The following KIRREL3 variants were observed in gnomAD, a reference collection of about 807,000 sequenced individuals.
The protein encoded by KIRREL3 is kirre like nephrin family adhesion molecule 3, also known as kin of IRRE-like protein 3.
A neutral mutation model predicts 89.7 loss-of-function variants in KIRREL3; 36 were observed. That is an observed-to-expected ratio of 0.40 (90% CI 0.31 to 0.53). The LOEUF is 0.53. Ranked by LOEUF, KIRREL3 falls within the 20% of genes least tolerant of loss-of-function variation. The pLI, the probability that KIRREL3 is intolerant of heterozygous loss-of-function variation, is 0.49. For missense variants in KIRREL3, 864 were observed against 1,056.6 expected, an observed-to-expected ratio of 0.82 and a Z score of 2.53; for synonymous variants, 445 against 441.4, an observed-to-expected ratio of 1.01 and a Z score of -0.10.
At chr11:126,881,764 T>C (rs373078954) in intron 1 of KIRREL3, among the ~76,000 whole-genome samples, 2 of 152,224 alleles carry the variant, frequency 1.3e-5, no homozygotes. Context: ...GCCAGGCTGA[T>C]CTCGAACTCT....
At position 126,463,281 on chromosome 11, in the gene KIRREL3, C is replaced by T; in HGVS notation, c.618G>A (p.Glu206=). ...AGATGAAGAGGGTGCTGACGATGCT[C>T]TCCCGCTTGCCGTCCCGAAGCAGGG... The part of the protein sequence containing the change: ...SKTLLRDGKR[E]SIVSTLFISP... The change falls in exon 6 of 17, where the codon GAG becomes GAA. Residue 206 remains glutamate (E), a synonymous_variant. Coordinates refer to ENST00000525144, the MANE Select transcript of KIRREL3 (RefSeq NM_032531.4). The surrounding 1 kb of genome is among the most constrained non-coding windows in gnomAD (Gnocchi z 5.9). 1.2e-6 allele frequency: 2 copies of T among 1,613,608 alleles called. No homozygotes were observed. Among genetic ancestry groups the T allele is most frequent in the Non-Finnish European group, 8.5e-7 (1 of 1,179,638 alleles).
At chr11:126,743,117 T>C (rs1395679376) in intron 1 of KIRREL3, among the ~76,000 whole-genome samples, 2 of 152,126 alleles carry the variant, frequency 1.3e-5, no homozygotes, top group Non-Finnish European at 2.9e-5. Flanking sequence ...TAGTATTGTA[T>C]CTTATCTTAC....
In KIRREL3 at chr11:126,561,646, T is replaced by A. The variant is rs1940130630; in HGVS notation, c.133+1189A>T. On this transcript the variant is annotated intron_variant, in intron 2 of 16. Transcript: ENST00000525144. The surrounding 1 kb of genome is among the most constrained non-coding windows in gnomAD (Gnocchi z 4.5). ...AAAATGCGGCCCCCAACTCTGGTTG[T>A]ACTCAGCCATGGGGTTCCTACAAAT... Among the ~76,000 whole-genome samples the A allele has an allele frequency of 6.6e-6, 1 of 152,216 alleles. No homozygotes were observed. Among genetic ancestry groups the A allele is most frequent in the African/African-American group, 2.4e-5 (1 of 41,448 alleles).
rs1202268561 is a variant in KIRREL3 at position 126,892,162 on chromosome 11, G to C, written c.55+108293C>G. Among the ~76,000 whole-genome samples the C allele has an allele frequency of 6.6e-6, 1 of 152,154 alleles. No homozygotes were observed. The highest frequency in any genetic ancestry group is 1.5e-5 in the Non-Finnish European group (1 of 68,024). On this transcript the variant is annotated intron_variant, in intron 1 of 16. Transcript: ENST00000525144. The surrounding 1 kb of genome is among the most constrained non-coding windows in gnomAD (Gnocchi z 5.4). The stretch of plus-strand genomic sequence containing the variant: ...CTTCCAATAATTTTTAGCAGTAGAA[G>C]CTTTCCTTTCCTAATTGAAATTTTA...
Position 126,710,469 on chromosome 11 carries a change from G to T in KIRREL3, c.56-147557C>A, listed in dbSNP as rs1416746318. Among the ~76,000 whole-genome samples, 1 of 152,120 alleles carries T rather than the reference G, an allele frequency of 6.6e-6. No individual in the cohort carries two copies. The highest frequency in any genetic ancestry group is 1.9e-4 in the East Asian group (1 of 5,196). Reference sequence around the variant, plus strand: ...CAATAGCATTCAAGTAACCCTTCATGGCATGCCGAGATTCCTAATGAGATG... The same window carrying T: ...CAATAGCATTCAAGTAACCCTTCATTGCATGCCGAGATTCCTAATGAGATG... On this transcript the variant is annotated intron_variant, in intron 1 of 16. Transcript: ENST00000525144. This position sits in a 1 kb window ranked among gnomAD's most constrained non-coding sequence, Gnocchi z 4.2.
At chr11:126,434,690 T>A (rs1037879429) in intron 13 of KIRREL3, among the ~76,000 whole-genome samples, 1 of 152,204 alleles carries the variant, frequency 6.6e-6, no homozygotes, top group East Asian at 1.9e-4. Context: ...GGGGGCCTGA[T>A]GACTGCTTTG....
At chr11:126,663,069 G>T (rs1037962177) in intron 1 of KIRREL3, among the ~76,000 whole-genome samples, 1 of 151,576 alleles carries the variant, frequency 6.6e-6, no homozygotes, top group Non-Finnish European at 1.5e-5. Context: ...GGCAAGGGAA[G>T]AACCAGCAAG....
rs1950044415 is a variant in KIRREL3, at chr11:126,772,341, G to A, written c.56-209429C>T. 6.6e-6 allele frequency among the ~76,000 whole-genome samples: 1 copy of A among 152,210 alleles called. No homozygotes were observed. The highest frequency in any genetic ancestry group is 1.5e-5 in the Non-Finnish European group (1 of 68,032). On this transcript the variant is annotated intron_variant, in intron 1 of 16. Coordinates refer to ENST00000525144, the MANE Select transcript of KIRREL3 (RefSeq NM_032531.4). This position sits in a 1 kb window ranked among gnomAD's most constrained non-coding sequence, Gnocchi z 4.6. ...TCAAGGCAGCTAAGACCGGTTCAGG[G>A]ACAGAGAACAGCAAGTGACAGGCAT...
chr11:126,908,122 C>A lies in KIRREL3; in HGVS notation c.55+92333G>T, dbSNP rs1317322842. On this transcript the variant is annotated intron_variant, in intron 1 of 16. Transcript: ENST00000525144. The surrounding 1 kb of genome is among the most constrained non-coding windows in gnomAD (Gnocchi z 4.2). ...TGTATGTTGTTTATGATCCTGCCCC[C>A]TCCCGTCAGAATGCAAGTCCTATGA... Among the ~76,000 whole-genome samples the A allele has an allele frequency of 6.6e-6, 1 of 152,178 alleles. No individual in the cohort carries two copies. The highest frequency in any genetic ancestry group is 1.5e-5 in the Non-Finnish European group (1 of 68,052).
intron 1 of KIRREL3, among the ~76,000 whole-genome samples, chr11:126,582,449 G>A (rs909732134): frequency 1.3e-5 from 2 of 152,226 alleles, no homozygotes; most frequent in African/African-American, 2.4e-5. Context: ...GACACGGTTC[G>A]GGGGTTTAGT....
intron 7 of KIRREL3, among the ~76,000 whole-genome samples, chr11:126,450,918 CGTGCATGT>C (rs747926211): frequency 1.1e-4 from 13 of 116,974 alleles, no homozygotes; most frequent in East Asian, 2.7e-4. Context: ...TGTGTGTCCA[CGTGCATGT>C]GTGCATGTGT....
chr11:126,877,758 T>G lies in KIRREL3; in HGVS notation c.55+122697A>C, dbSNP rs1276242379. Among the ~76,000 whole-genome samples the G allele has an allele frequency of 6.6e-6, 1 of 152,152 alleles. No homozygotes were observed. Among genetic ancestry groups the G allele is most frequent in the African/African-American group, 2.4e-5 (1 of 41,428 alleles). ...CTGGGCACAGGATGGTGTATAAAAATACAGGCATGACAGGAACAATGTAAC... is the reference window on the plus strand; with the variant it reads ...CTGGGCACAGGATGGTGTATAAAAAGACAGGCATGACAGGAACAATGTAAC... On this transcript the variant is annotated intron_variant, in intron 1 of 16. Transcript: ENST00000525144. This position sits in a 1 kb window ranked among gnomAD's most constrained non-coding sequence, Gnocchi z 4.9.
intron 1 of KIRREL3, among the ~76,000 whole-genome samples, chr11:126,725,402 G>A (rs1592026648): frequency 1.3e-5 from 2 of 152,292 alleles, no homozygotes; most frequent in East Asian, 1.9e-4. Flanking sequence ...GCTGACTCTG[G>A]GCACAAAGGA....
chr11:126,691,971 C>T (rs1479881186), intron 1 of KIRREL3, among the ~76,000 whole-genome samples: 3 of 152,188 alleles, frequency 2.0e-5, no homozygotes, highest in African/African-American at 2.4e-5. Flanking sequence ...AGTGAGGTAT[C>T]ACCTCACACC....
chr11:126,929,624 A>G (rs1228474555), intron 1 of KIRREL3, among the ~76,000 whole-genome samples: 1 of 152,218 alleles, frequency 6.6e-6, no homozygotes, highest in Non-Finnish European at 1.5e-5. Flanking sequence ...CCAGTTTTGC[A>G]GCAGCAAGAC....
intron 1 of KIRREL3, among the ~76,000 whole-genome samples, chr11:126,625,977 G>T (rs530715761): frequency 6.6e-6 from 1 of 152,140 alleles, no homozygotes; most frequent in Non-Finnish European, 1.5e-5. Flanking sequence ...TGCGGTTGGG[G>T]GCTGTGTCTT....
intron 1 of KIRREL3, among the ~76,000 whole-genome samples, chr11:126,849,366 C>T (rs1047607709): frequency 6.6e-6 from 1 of 152,188 alleles, no homozygotes; most frequent in Non-Finnish European, 1.5e-5. Context: ...AACCAGCAGC[C>T]CTTGGGGCTG....
At chr11:126,546,063 T>C (rs975393263) in intron 2 of KIRREL3, among the ~76,000 whole-genome samples, 1 of 152,210 alleles carries the variant, frequency 6.6e-6, no homozygotes, top group African/African-American at 2.4e-5. Context: ...AATGAAGTGA[T>C]GTGTGTAAAG....
rs1955179424 is a variant in KIRREL3, at chr11:126,432,638, T to C, written c.1589-1112A>G. Among the ~76,000 whole-genome samples the C allele has an allele frequency of 2.7e-5, 4 of 149,696 alleles. No individual in the cohort carries two copies. The highest frequency in any genetic ancestry group is 2.7e-4 in the Admixed American group (4 of 15,092). On this transcript the variant is annotated intron_variant, in intron 13 of 16. Transcript: ENST00000525144. The surrounding 1 kb of genome is among the most constrained non-coding windows in gnomAD (Gnocchi z 6.2). ...AGAGTGACATGTGAGATCCCCCACATCTCATGTGCTCGGTACCGCCCAGAC... is the reference window on the plus strand; with the variant it reads ...AGAGTGACATGTGAGATCCCCCACACCTCATGTGCTCGGTACCGCCCAGAC...
Sources: gnomAD v4.1 joint callset for allele counts (sites outside exome capture counted in the v4.1 genomes callset) on GRCh38, gnomAD v4.1.1 for gene constraint, Gnocchi (gnomAD v3.1) non-coding constraint, MANE v1.5 for transcripts, NCBI Gene and HGNC (gene_info 2026-07-23, HGNC 2026-07-21) for gene names.